Variants in ZNF512 observed in about 807,000 individuals in gnomAD.
ZNF512 encodes zinc finger protein 512.
A neutral mutation model predicts 77.5 loss-of-function variants in ZNF512; 25 were observed. That is an observed-to-expected ratio of 0.32 (90% confidence interval 0.23 to 0.45). The LOEUF is 0.45. Ranked by LOEUF, ZNF512 falls within the 20% of genes least tolerant of loss-of-function variation. The pLI is 1.00. For synonymous variants in ZNF512, 246 were observed against 239.9 expected (o/e 1.03, Z -0.24); for missense variants, 483 against 692.6 (o/e 0.70, Z 3.40).
intron 2 of ZNF512, among the ~76,000 whole-genome samples, chr2:27,597,191 A>G (rs1046686672): frequency 6.6e-6 from 1 of 152,202 alleles, no homozygotes; most frequent in African/African-American, 2.4e-5. Context: ...TTAGCTCTAC[A>G]TCTAAAGTGT....
In ZNF512 at chr2:27,598,157, G is replaced by A. The variant is rs369634964; in HGVS notation, c.180G>A (p.Ser60=). ...DSLSGSSSAS[S]CEPVSDFPAS... ...TAAGTGGTTCATCGTCTGCATCTTCGTGTGAACCAGTGAGTGATTTTCCAG... is the reference window on the plus strand; with the variant it reads ...TAAGTGGTTCATCGTCTGCATCTTCATGTGAACCAGTGAGTGATTTTCCAG... Residue 60 remains serine, a synonymous_variant, in exon 3 of 14, where the codon TCG becomes TCA. Coordinates refer to ENST00000355467, the MANE Select transcript of ZNF512 (RefSeq NM_032434.4). The A allele has an allele frequency of 1.9e-5, 30 of 1,613,930 alleles. 1 individual carries two copies. Among genetic ancestry groups the A allele is most frequent in the Middle Eastern group, 1.6e-4 (1 of 6,084 alleles).
Position 27,621,377 on chromosome 2 carries a change from T to C in ZNF512, c.1620T>C (p.Cys540=). The change falls in exon 14 of 14, where the codon TGT becomes TGC. Residue 540 remains cysteine, a synonymous_variant. Transcript: ENST00000355467. ...NNEELVVSAS[C]KEPEQEPVPA... Reference sequence around the variant, plus strand: ...AGGAACTGGTAGTGTCAGCCTCCTGTAAGGAACCAGAGCAGGAGCCAGTGC... The same window carrying C: ...AGGAACTGGTAGTGTCAGCCTCCTGCAAGGAACCAGAGCAGGAGCCAGTGC... 1 of 1,613,982 alleles carries C rather than the reference T, an allele frequency of 6.2e-7. No homozygotes were observed. Among genetic ancestry groups the C allele is most frequent in the South Asian group, 1.1e-5 (1 of 91,080 alleles).
At chr2:27,603,342 G>T in intron 9 of ZNF512, 35 bp downstream of exon 9, 1 of 1,606,666 alleles carries the variant, frequency 6.2e-7, no homozygotes, top group Non-Finnish European at 8.5e-7. Flanking sequence ...CCTGCGTGGG[G>T]ATGTATTTCG....
chr2:27,607,739 C>A, intron 9 of ZNF512, 106 bp from the exon 10 acceptor site: 3 of 1,054,976 alleles, frequency 2.8e-6, no homozygotes, highest in Non-Finnish European at 4.2e-6. Flanking sequence ...TAGCAATCTA[C>A]TACATAGCTC....
intron 3 of ZNF512, among the ~76,000 whole-genome samples, chr2:27,598,854 G>T (rs6547717): frequency 6.6e-6 from 1 of 150,530 alleles, no homozygotes; most frequent in African/African-American, 2.4e-5. Flanking sequence ...TTTTTGAGAC[G>T]GAGTTTCACT....
intron 2 of ZNF512, among the ~76,000 whole-genome samples, chr2:27,593,692 AT>A (rs1270712583): frequency 2.7e-5 from 4 of 149,978 alleles, no homozygotes; most frequent in African/African-American, 9.8e-5. Context: ...AGCTCCTTGA[AT>A]CTGTAAATTT....
chr2:27,583,915 G>A (rs1455993607), intron 2 of ZNF512, among the ~76,000 whole-genome samples, 199 bp downstream of exon 2: 1 of 146,954 alleles, frequency 6.8e-6, no homozygotes, highest in African/African-American at 2.4e-5. Context: ...AGTGAGTGAG[G>A]TTTTTCTAAG....
chr2:27,598,433 T>A (rs893860822), intron 3 of ZNF512, among the ~76,000 whole-genome samples, 179 bp downstream of exon 3: 1 of 152,002 alleles, frequency 6.6e-6, no homozygotes, highest in East Asian at 1.9e-4. Flanking sequence ...ATCGAGACCA[T>A]CCTGGCTAAC....
Position 27,622,173 on chromosome 2 carries a change from G to A in ZNF512, c.*712G>A, listed in dbSNP as rs572433740. 1 of 152,364 alleles carries A rather than the reference G, an allele frequency of 6.6e-6. No homozygotes were observed. Among genetic ancestry groups the A allele is most frequent in the Non-Finnish European group, 1.5e-5 (1 of 68,048 alleles). 9.4% of individuals were successfully genotyped at this position (152,364 alleles called of 1,614,324 possible). ...CCAAACATTAAAATGACAGGAAAGA[G>A]AAAGTAGAAGCAGCAATAAATACTG... On this transcript the variant is annotated 3_prime_UTR_variant, in exon 14 of 14. Transcript: ENST00000355467.
intron 5 of ZNF512, 45 bp downstream of exon 5, chr2:27,600,098 C>CTT: frequency 6.3e-7 from 1 of 1,588,660 alleles, no homozygotes; most frequent in Middle Eastern, 1.7e-4. Flanking sequence ...TTCTCACACT[C>CTT]TGATTTGTTG....
In ZNF512 at chr2:27,617,905, C is replaced by CAAAAA. The variant is rs61523057; in HGVS notation, c.1395+346_1395+350dup. Among the ~76,000 whole-genome samples, 871 of 113,636 alleles carry CAAAAA rather than the reference C, an allele frequency of 7.7e-3. 68 individuals are homozygous for CAAAAA. The East Asian group carries it at 0.17, about 22-fold the overall frequency. The allele number at this position is 113,636 out of a possible 152,430, so 74.5% of individuals were successfully genotyped here. A position where few individuals can be genotyped will look rare whatever the true frequency, so the allele number is the denominator to read the frequency against. On this transcript the variant is annotated intron_variant, in intron 13 of 13. Transcript: ENST00000355467. ...AGCCTAGGCAACAGAGATCCTGACT[C>CAAAAA]AAAAAAAAAAAAAAAATCACTGTGA...
chr2:27,593,513 G>A (rs75388324), intron 2 of ZNF512, among the ~76,000 whole-genome samples: 1 of 152,088 alleles, frequency 6.6e-6, no homozygotes, highest in East Asian at 1.9e-4. Context: ...CCAGCTACTC[G>A]GGTATGGTGA....
chr2:27,604,461 CAGTCA>C, intron 9 of ZNF512, among the ~76,000 whole-genome samples: 1 of 90,170 alleles, frequency 1.1e-5, no homozygotes, highest in Non-Finnish European at 2.8e-5. Context: ...CACATGTATA[CAGTCA>C]TGTAACCACT....
At chr2:27,610,660 A>G (rs1672618697) in intron 10 of ZNF512, among the ~76,000 whole-genome samples, 1 of 132,174 alleles carries the variant, frequency 7.6e-6, no homozygotes. Context: ...GGTTCACTGC[A>G]TCCTCTGCCT....
chr2:27,603,021 A>C, intron 8 of ZNF512, 119 bp from the exon 9 acceptor site: 1 of 1,130,750 alleles, frequency 8.8e-7, no homozygotes, highest in Non-Finnish European at 1.3e-6. Flanking sequence ...GAGAGGGTCT[A>C]CTGAAATCAG....
At chr2:27,610,885 C>T (rs6718128) in intron 10 of ZNF512, among the ~76,000 whole-genome samples, 89,424 of 151,264 alleles carry the variant, frequency 0.59, 27,361 homozygotes, top group East Asian at 0.84. Context: ...TTTATATTTT[C>T]GACAGCGTAT....
At chr2:27,592,647 A>G (rs1183558656) in intron 2 of ZNF512, among the ~76,000 whole-genome samples, 1 of 119,654 alleles carries the variant, frequency 8.4e-6, no homozygotes, top group Non-Finnish European at 1.8e-5. Flanking sequence ...AAGTATACCC[A>G]TATAATTTAC....
intron 2 of ZNF512, among the ~76,000 whole-genome samples, chr2:27,586,664 A>G (rs190545308): frequency 4.7e-4 from 72 of 152,338 alleles, no homozygotes; most frequent in Admixed American, 8.5e-4. Flanking sequence ...AGCGTACACT[A>G]TGGTCAGCTT....
chr2:27,602,500 G>A lies in ZNF512; in HGVS notation c.707G>A (p.Ser236Asn), dbSNP rs370067680. 1.1e-5 allele frequency: 17 copies of A among 1,613,954 alleles called. No individual in the cohort carries two copies. The highest frequency in any genetic ancestry group is 1.4e-5 in the Non-Finnish European group (17 of 1,180,010). The change falls in exon 8 of 14, where the codon AGT (serine) becomes AAT (asparagine). Residue 236 changes from serine to asparagine, a missense_variant. Coordinates refer to ENST00000355467, the MANE Select transcript of ZNF512 (RefSeq NM_032434.4). Reference sequence around the variant, plus strand: ...GCCGGAGATGAAATAGATGAGCCAAGTGAGAGGGAAAGGCTCCGAACAGTT... The same window carrying A: ...GCCGGAGATGAAATAGATGAGCCAAATGAGAGGGAAAGGCTCCGAACAGTT... ...LKAGDEIDEP[S>N]ERERLRTVLK...
Sources: gnomAD v4.1 joint callset for allele counts (sites outside exome capture counted in the v4.1 genomes callset) on GRCh38, gnomAD v4.1.1 for gene constraint, MANE v1.5 for transcripts, NCBI Gene and HGNC (gene_info 2026-07-23, HGNC 2026-07-21) for gene names.